Variants in TP63 observed in about 807,000 individuals in gnomAD.
The protein encoded by TP63 is tumor protein p63.
A neutral mutation model predicts 82.8 loss-of-function variants in TP63; 17 were observed. The observed-to-expected ratio is 0.21, with a 90% CI of 0.14 to 0.31. TP63 has a LOEUF of 0.31. TP63 is among the 10% of genes least tolerant of loss of function. The probability of loss-of-function intolerance (pLI) is 1.00; values close to 1 mark genes in which losing one functional copy is unlikely to be tolerated. For missense variants in TP63, 648 were observed against 895.3 expected, an observed-to-expected ratio of 0.72 and a Z score of 3.52; for synonymous variants, 330 against 321.7, an observed-to-expected ratio of 1.03 and a Z score of -0.28.
intron 1 of TP63, among the ~76,000 whole-genome samples, chr3:189,691,208 G>A (rs892953006): frequency 2.0e-5 from 3 of 151,376 alleles, no homozygotes; most frequent in Non-Finnish European, 4.4e-5. Flanking sequence ...GCGTGGTGGT[G>A]CACGCCTGTA....
intron 3 of TP63, among the ~76,000 whole-genome samples, chr3:189,752,335 G>A (rs559973874): frequency 3.9e-5 from 6 of 152,050 alleles, no homozygotes; most frequent in South Asian, 4.1e-4. Flanking sequence ...CACCATACCC[G>A]GCTAACTTTT....
intron 1 of TP63, among the ~76,000 whole-genome samples, chr3:189,734,692 C>T (rs560898338): frequency 7.2e-5 from 11 of 152,156 alleles, no homozygotes; most frequent in Admixed American, 2.6e-4. Context: ...AAATCGAAGT[C>T]ATCAGCCTTG....
At chr3:189,778,648 T>A (rs1267524315) in intron 3 of TP63, among the ~76,000 whole-genome samples, 4 of 152,210 alleles carry the variant, frequency 2.6e-5, no homozygotes, top group African/African-American at 9.6e-5. Context: ...AATGTGGATA[T>A]TTTGAGGAAT....
At chr3:189,836,440 T>C (rs1365346736) in intron 4 of TP63, among the ~76,000 whole-genome samples, 1 of 152,200 alleles carries the variant, frequency 6.6e-6, no homozygotes, top group Admixed American at 6.5e-5. Flanking sequence ...ATAACTCTTA[T>C]AGGGTTGGGC....
intron 4 of TP63, among the ~76,000 whole-genome samples, chr3:189,816,470 G>A (rs950725347): frequency 2.6e-5 from 4 of 152,122 alleles, no homozygotes; most frequent in African/African-American, 7.2e-5. Context: ...GTAAAGGGCC[G>A]ATGTATGTTT....
rs1713299767 is a variant in TP63 at position 189,655,765 on chromosome 3, T to C, written c.62+24188T>C. ...TTGAGGCTGTGTAGACTATCTATCT[T>C]AACAGTGAGAAACCCCTTGACACTT... is the stretch of plus-strand genomic sequence containing the variant. On this transcript the variant is annotated intron_variant, in intron 1 of 13. Coordinates refer to ENST00000264731, the MANE Select transcript of TP63 (RefSeq NM_003722.5). 2.6e-5 allele frequency among the ~76,000 whole-genome samples: 4 copies of C among 152,350 alleles called. No individual in the cohort carries two copies. The South Asian group carries it at 8.3e-4, about 32-fold the overall frequency.
rs781526897 is a variant in TP63, at chr3:189,869,410, G to C, written c.1212+4G>C. 3.7e-6 allele frequency: 6 copies of C among 1,612,406 alleles called. 1 individual carries two copies. In the Middle Eastern group the frequency reaches 8.3e-4, roughly 222 times the overall value. On this transcript the variant is annotated splice_donor_region_variant and intron_variant, in intron 9 of 13. Coordinates refer to ENST00000264731, the MANE Select transcript of TP63 (RefSeq NM_003722.5). ...TGATGAACTGTTATACTTACCAGTA[G>C]GTCTTCCTTGGGTGTTCATGGTTGC...
At chr3:189,860,326 A>G (rs1716865562) in intron 4 of TP63, among the ~76,000 whole-genome samples, 1 of 152,178 alleles carries the variant, frequency 6.6e-6, no homozygotes, top group Non-Finnish European at 1.5e-5. Context: ...CTTGCTGTAA[A>G]TCAGATTCCC....
At position 189,631,411 on chromosome 3, in the gene TP63, CT is replaced by C. The variant is rs1293157422; in HGVS notation, c.-104del. 1.1e-5 allele frequency: 18 copies of C among 1,584,380 alleles called. No homozygotes were observed. The highest frequency in any genetic ancestry group is 1.5e-5 in the Non-Finnish European group (18 of 1,166,594). Reference sequence around the variant, plus strand: ...CTTCTATGTCTGATAGCATTTGACCCTATTGCTTTTAGCCTCCCGGCTTTAT... The same window carrying C: ...CTTCTATGTCTGATAGCATTTGACCCATTGCTTTTAGCCTCCCGGCTTTAT... On this transcript the variant is annotated 5_prime_UTR_variant, in exon 1 of 14. Transcript: ENST00000264731.
chr3:189,649,973 T>C (rs1712751992), intron 1 of TP63, among the ~76,000 whole-genome samples: 1 of 147,402 alleles, frequency 6.8e-6, no homozygotes, highest in African/African-American at 2.5e-5. Context: ...AGGAAATAAA[T>C]GTATAGACCA....
chr3:189,675,988 A>G (rs1247712112), intron 1 of TP63, among the ~76,000 whole-genome samples: 2 of 152,142 alleles, frequency 1.3e-5, no homozygotes, highest in East Asian at 1.9e-4. Context: ...TTGAAAAACC[A>G]TTAGTAAAGA....
In TP63 at chr3:189,880,661, A is replaced by G. The variant is rs1719813546; in HGVS notation, c.1350-5733A>G. 5.1e-6 allele frequency: 5 copies of G among 985,276 alleles called. No individual in the cohort carries two copies. In the South Asian group the frequency reaches 2.3e-4, roughly 46 times the overall value. 61.0% of individuals were successfully genotyped at this position (985,276 alleles called of 1,614,324 possible). On this transcript the variant is annotated intron_variant, in intron 10 of 13. Transcript: ENST00000264731. ...TAAGTTGTAGGTGACTGAGAGACTC[A>G]GTCAGACCCTTTTAATGCTGGTCAT...
intron 1 of TP63, among the ~76,000 whole-genome samples, chr3:189,686,903 G>A (rs1716496133): frequency 6.6e-6 from 1 of 151,898 alleles, no homozygotes; most frequent in South Asian, 2.1e-4. Context: ...GCTAATTTTT[G>A]TATTTTTAGT....
At chr3:189,693,935 C>T (rs1478920498) in intron 1 of TP63, among the ~76,000 whole-genome samples, 2 of 152,016 alleles carry the variant, frequency 1.3e-5, no homozygotes, top group African/African-American at 2.4e-5. Context: ...TCAACAACAC[C>T]GTTTTAGTGT....
chr3:189,884,256 C>G (rs1720211193), intron 10 of TP63, among the ~76,000 whole-genome samples: 1 of 152,212 alleles, frequency 6.6e-6, no homozygotes, highest in Admixed American at 6.5e-5. Flanking sequence ...TATGTGCTGA[C>G]TCTTTGAAAA....
intron 3 of TP63, among the ~76,000 whole-genome samples, chr3:189,799,243 C>T (rs1161222328): frequency 6.6e-6 from 1 of 152,048 alleles, no homozygotes; most frequent in Non-Finnish European, 1.5e-5. Flanking sequence ...CAATCACAAA[C>T]TGTTAATTAT....
intron 1 of TP63, among the ~76,000 whole-genome samples, chr3:189,733,604 GA>G (rs1471061239): frequency 6.6e-6 from 1 of 152,098 alleles, no homozygotes; most frequent in Non-Finnish European, 1.5e-5. Flanking sequence ...TTTGGTTTTG[GA>G]ATAATTCATG....
the TP63 span, among the ~76,000 whole-genome samples, chr3:189,597,985 AT>A: frequency 7.2e-5 from 11 of 152,044 alleles, no homozygotes; most frequent in Admixed American, 1.3e-4. Context: ...GATGTAAATA[AT>A]TTTACCAGAG....
the TP63 span, among the ~76,000 whole-genome samples, chr3:189,601,570 C>A: frequency 0.061 from 7,675 of 125,098 alleles, 290 homozygotes; most frequent in African/African-American, 0.11. Context: ...TCCTCATTTT[C>A]TTGGATTACT....
Sources: allele counts gnomAD v4.1 joint callset (sites outside exome capture counted in the v4.1 genomes callset), GRCh38; gene constraint gnomAD v4.1.1; transcripts MANE v1.5; gene names NCBI Gene and HGNC (gene_info 2026-07-23, HGNC 2026-07-21).